Variants in RGS5 observed in about 807,000 individuals in gnomAD.
RGS5 encodes the protein regulator of G-protein signalling 5.
A neutral mutation model predicts 18.9 loss-of-function variants in RGS5; 20 were observed. That is an observed-to-expected ratio of 1.06 (90% confidence interval 0.74 to 1.54). The LOEUF is 1.54. RGS5 is among the 40% of genes most tolerant of loss of function. RGS5 has a pLI of 0.00. For synonymous variants in RGS5, 57 were observed against 76.2 expected, an observed-to-expected ratio of 0.75 and a Z score of 1.31; for missense variants, 201 against 211.8, an observed-to-expected ratio of 0.95 and a Z score of 0.32.
At chr1:163,161,563 T>G (rs1164706226) in intron 3 of RGS5, 2 of 213,114 alleles carry the variant, frequency 9.4e-6, no homozygotes, top group Non-Finnish European at 1.9e-5. Context: ...TTTATCAATT[T>G]ATTATGAGGC....
chr1:163,184,914 T>C (rs1030419941), intron 1 of RGS5, among the ~76,000 whole-genome samples: 2 of 152,198 alleles, frequency 1.3e-5, no homozygotes, highest in Non-Finnish European at 1.5e-5. Flanking sequence ...TTGTGGCAAC[T>C]GTTATAGCAG....
chr1:163,302,038 T>C (rs2101642845), intron 2 of RGS5, among the ~76,000 whole-genome samples: 1 of 151,960 alleles, frequency 6.6e-6, no homozygotes, highest in African/African-American at 2.4e-5. Flanking sequence ...TATGCTGTTT[T>C]TTATTTTAAG....
chr1:163,171,760 A>G (rs1397190290), intron 1 of RGS5, among the ~76,000 whole-genome samples: 1 of 152,224 alleles, frequency 6.6e-6, no homozygotes, highest in African/African-American at 2.4e-5. Flanking sequence ...TGATTAACTC[A>G]TTGGTCATGT....
At chr1:163,224,731 T>G (rs955209493) in intron 2 of RGS5, among the ~76,000 whole-genome samples, 16 of 152,224 alleles carry the variant, frequency 1.1e-4, no homozygotes, top group African/African-American at 3.4e-4. Context: ...ACAACAGCCA[T>G]TCTAACTGAA....
intron 1 of RGS5, among the ~76,000 whole-genome samples, chr1:163,312,055 C>T (rs982852935): frequency 2.6e-5 from 4 of 152,184 alleles, no homozygotes; most frequent in Non-Finnish European, 4.4e-5. Flanking sequence ...CTGTAATCCC[C>T]GGGTGTTGAG....
chr1:163,259,345 C>T (rs6659715), intron 2 of RGS5, among the ~76,000 whole-genome samples: 74,757 of 148,782 alleles, frequency 0.5, 18,804 homozygotes, highest in Middle Eastern at 0.53. Flanking sequence ...TTTTTTTTTT[C>T]AGTAGAGACG....
intron 2 of RGS5, among the ~76,000 whole-genome samples, chr1:163,241,543 T>G (rs1426910976): frequency 6.6e-6 from 1 of 152,218 alleles, no homozygotes; most frequent in South Asian, 2.1e-4. Flanking sequence ...GTTTACGGTT[T>G]CCTTCCAGAT....
chr1:163,209,488 TAA>T (rs888697068), intron 1 of RGS5, among the ~76,000 whole-genome samples: 9 of 152,196 alleles, frequency 5.9e-5, no homozygotes, highest in African/African-American at 1.9e-4. Context: ...TTTATAGCAT[TAA>T]GTCATCCTAT....
intron 2 of RGS5, among the ~76,000 whole-genome samples, chr1:163,267,574 A>G (rs572510770): frequency 1.3e-5 from 2 of 152,248 alleles, no homozygotes; most frequent in African/African-American, 4.8e-5. Context: ...GTCTGATTAT[A>G]AATTGTGCCC....
chr1:163,165,736 T>C (rs977892500), intron 2 of RGS5, among the ~76,000 whole-genome samples: 1 of 151,778 alleles, frequency 6.6e-6, no homozygotes, highest in African/African-American at 2.4e-5. Flanking sequence ...AGAAACCCTG[T>C]CTCTACTAAA....
In RGS5 at chr1:163,186,594, A is replaced by AG. The variant is rs1275030429; in HGVS notation, c.44+16197_44+16198insC. Among the ~76,000 whole-genome samples the AG allele has an allele frequency of 1.4e-4, 19 of 131,658 alleles. No homozygotes were observed. In the Middle Eastern group the frequency reaches 0.011, roughly 79 times the overall value. The allele number at this position is 131,658 out of a possible 152,430, so 86.4% of individuals were successfully genotyped here. On this transcript the variant is annotated intron_variant, in intron 1 of 4. Transcript: ENST00000313961. The stretch of plus-strand genomic sequence containing the variant: ...ACTCTGTCTCAAAAAAAAAAAAAAA[A>AG]AAAGAAAAAGAAAAGAAAAAAAGCA...
chr1:163,318,713 A>G (rs1650095636), intron 1 of RGS5: 1 of 152,160 alleles, frequency 6.6e-6, no homozygotes, highest in Admixed American at 6.5e-5. Context: ...GACAGGTAGA[A>G]AAAGATGGGA....
chr1:163,243,659 A>AAAC (rs1647857086), intron 2 of RGS5, among the ~76,000 whole-genome samples: 1 of 151,146 alleles, frequency 6.6e-6, no homozygotes, highest in African/African-American at 2.4e-5. Flanking sequence ...AAAAAAAAAA[A>AAAC]AAAAAACCTA....
chr1:163,197,223 C>A (rs1659593832), intron 1 of RGS5, among the ~76,000 whole-genome samples: 1 of 152,092 alleles, frequency 6.6e-6, no homozygotes, highest in Non-Finnish European at 1.5e-5. Context: ...ACAACATCAG[C>A]CAAATTGGCT....
chr1:163,159,505 G>T (rs1026532347), intron 3 of RGS5, among the ~76,000 whole-genome samples: 1 of 152,136 alleles, frequency 6.6e-6, no homozygotes, highest in Non-Finnish European at 1.5e-5. Flanking sequence ...CGCAACAGAG[G>T]GGAGAGACTG....
At chr1:163,183,153 T>G (rs887871741) in intron 1 of RGS5, among the ~76,000 whole-genome samples, 4 of 151,962 alleles carry the variant, frequency 2.6e-5, no homozygotes, top group African/African-American at 9.7e-5. Context: ...TTTAAAAGAG[T>G]TTGCTGAGGA....
intron 2 of RGS5, among the ~76,000 whole-genome samples, chr1:163,270,709 T>C (rs1283752645): frequency 6.6e-6 from 1 of 152,152 alleles, no homozygotes; most frequent in East Asian, 1.9e-4. Flanking sequence ...ATTAATGAAA[T>C]TCATACATCT....
chr1:163,186,864 G>C (rs957662218), intron 1 of RGS5, among the ~76,000 whole-genome samples: 5 of 152,086 alleles, frequency 3.3e-5, no homozygotes, highest in Admixed American at 6.5e-5. Context: ...AGAGAAAGGG[G>C]AAAAAAATCA....
intron 2 of RGS5, among the ~76,000 whole-genome samples, chr1:163,299,042 A>T (rs1649491909): frequency 6.6e-6 from 1 of 152,162 alleles, no homozygotes. Flanking sequence ...AAATTCAAAC[A>T]CTGTTTCATG....
Sources: gnomAD v4.1 joint callset for allele counts (sites outside exome capture counted in the v4.1 genomes callset) on GRCh38, gnomAD v4.1.1 for gene constraint, MANE v1.5 for transcripts, NCBI Gene and HGNC (gene_info 2026-07-23, HGNC 2026-07-21) for gene names.